Variants in CADPS2 observed in about 807,000 individuals in gnomAD.
CADPS2 encodes calcium-dependent secretion activator 2.
A neutral mutation model predicts 172.5 loss-of-function variants in CADPS2; 93 were observed. The observed-to-expected ratio is 0.54, with a 90% CI of 0.46 to 0.64. The LOEUF is 0.64. Ranked by LOEUF, CADPS2 falls within the 30% of genes least tolerant of loss-of-function variation. The pLI, the probability that CADPS2 is intolerant of heterozygous loss-of-function variation, is 0.00. For synonymous variants in CADPS2, 546 were observed against 555.2 expected (o/e 0.98, Z 0.23); for missense variants, 1,420 against 1,565.9 (o/e 0.91, Z 1.57).
chr7:122,605,964 A>G (rs1217119376), intron 6 of CADPS2, among the ~76,000 whole-genome samples: 3 of 152,122 alleles, frequency 2.0e-5, no homozygotes, highest in Non-Finnish European at 2.9e-5. Flanking sequence ...CATCAATTTA[A>G]TTCCTGCCTA....
intron 1 of CADPS2, among the ~76,000 whole-genome samples, chr7:122,870,390 T>C (rs1485693656): frequency 6.6e-6 from 1 of 151,896 alleles, no homozygotes; most frequent in African/African-American, 2.4e-5. Flanking sequence ...AAGGGGTCAA[T>C]TCATCAAAAA....
chr7:122,805,390 C>T (rs1798573159), intron 1 of CADPS2, among the ~76,000 whole-genome samples: 1 of 152,100 alleles, frequency 6.6e-6, no homozygotes, highest in African/African-American at 2.4e-5. Flanking sequence ...AATCTCCTGA[C>T]CTAGTGATCC....
chr7:122,758,174 T>C (rs1018822122), intron 1 of CADPS2, among the ~76,000 whole-genome samples: 7 of 152,196 alleles, frequency 4.6e-5, no homozygotes, highest in African/African-American at 1.7e-4. Context: ...TACCATCCCA[T>C]GCCCATGAAA....
At chr7:122,469,445 G>C (rs1247418504) in intron 14 of CADPS2, among the ~76,000 whole-genome samples, 1 of 152,116 alleles carries the variant, frequency 6.6e-6, no homozygotes, top group Non-Finnish European at 1.5e-5. Context: ...ACAGAGTCAG[G>C]AGACGAGACA....
chr7:122,659,014 A>G (rs1588191445), intron 3 of CADPS2, among the ~76,000 whole-genome samples: 3 of 152,218 alleles, frequency 2.0e-5, no homozygotes, highest in East Asian at 3.9e-4. Flanking sequence ...TTTATATGAA[A>G]GCCTTAGTTA....
chr7:122,867,043 C>T (rs1585032438), intron 1 of CADPS2, among the ~76,000 whole-genome samples: 1 of 152,098 alleles, frequency 6.6e-6, no homozygotes, highest in Non-Finnish European at 1.5e-5. Context: ...ATATTGGATA[C>T]TCTTTCCTCC....
At chr7:122,570,064 A>G (rs868432188) in intron 7 of CADPS2, among the ~76,000 whole-genome samples, 55 of 150,534 alleles carry the variant, frequency 3.7e-4, no homozygotes, top group South Asian at 1.3e-3. Context: ...CTTCTGCACA[A>G]CAAAAGAAAC....
At chr7:122,826,062 T>C (rs1238068049) in intron 1 of CADPS2, among the ~76,000 whole-genome samples, 2 of 152,190 alleles carry the variant, frequency 1.3e-5, no homozygotes, top group Non-Finnish European at 2.9e-5. Context: ...TCAGGTCCCA[T>C]ACAGCAAGGC....
At chr7:122,445,002 C>T (rs556906680) in intron 15 of CADPS2, among the ~76,000 whole-genome samples, 165 of 152,122 alleles carry the variant, frequency 1.1e-3, no homozygotes, top group Non-Finnish European at 1.8e-3. Context: ...TAGCATCTGT[C>T]GGAAAAAAGT....
chr7:122,787,499 G>C (rs1794318031), intron 1 of CADPS2, among the ~76,000 whole-genome samples: 1 of 152,120 alleles, frequency 6.6e-6, no homozygotes, highest in Admixed American at 6.5e-5. Context: ...AACTTCAAAG[G>C]GAAGTTAGGA....
chr7:122,508,609 T>C (rs1014623953), intron 9 of CADPS2, among the ~76,000 whole-genome samples: 9 of 151,750 alleles, frequency 5.9e-5, no homozygotes, highest in Non-Finnish European at 1.0e-4. Flanking sequence ...GGATTACAGG[T>C]GGGAGCCATG....
chr7:122,702,986 T>A (rs2086410063), intron 2 of CADPS2: 1 of 453,202 alleles, frequency 2.2e-6, no homozygotes, highest in African/African-American at 2.0e-5. Flanking sequence ...TTCAAGAAAA[T>A]TATGACATCC....
intron 1 of CADPS2, among the ~76,000 whole-genome samples, chr7:122,777,692 C>G (rs564139374): frequency 4.8e-4 from 73 of 152,088 alleles, no homozygotes; most frequent in Admixed American, 3.3e-3. Context: ...TAGGCTTTCC[C>G]CCACTTCCCT....
At chr7:122,673,907 C>CG (rs2082126391) in intron 2 of CADPS2, among the ~76,000 whole-genome samples, 1 of 4,468 alleles carries the variant, frequency 2.2e-4, no homozygotes, top group Non-Finnish European at 4.0e-4. Flanking sequence ...GAGCCCACGG[C>CG]GGGGGGTGGG....
chr7:122,725,804 G>C lies in CADPS2; in HGVS notation c.453+11151C>G, dbSNP rs1303183736. Among the ~76,000 whole-genome samples the C allele has an allele frequency of 2.0e-5, 3 of 151,712 alleles. No individual in the cohort carries two copies. In the South Asian group the frequency reaches 6.2e-4, roughly 32 times the overall value. ...GAGACACCATGGTCTTGCCTCACAT[G>C]TAGGTTACAAATGCCGGGAATATAC... On this transcript the variant is annotated intron_variant, in intron 2 of 29. Coordinates refer to ENST00000449022, the MANE Select transcript of CADPS2 (RefSeq NM_017954.11).
chr7:122,837,895 C>T (rs1206212242), intron 1 of CADPS2, among the ~76,000 whole-genome samples: 18 of 152,138 alleles, frequency 1.2e-4, no homozygotes, highest in South Asian at 4.1e-4. Context: ...TTCCAATCAA[C>T]AGAAAAAGAG....
chr7:122,674,924 A>G (rs1231044431), intron 2 of CADPS2, among the ~76,000 whole-genome samples: 1 of 152,240 alleles, frequency 6.6e-6, no homozygotes, highest in African/African-American at 2.4e-5. Context: ...TAGATTTTAA[A>G]ACTACTTTTC....
intron 3 of CADPS2, among the ~76,000 whole-genome samples, chr7:122,636,105 A>AT (rs1331283997): frequency 6.6e-6 from 1 of 151,994 alleles, no homozygotes; most frequent in Non-Finnish European, 1.5e-5. Context: ...ACATTCATGG[A>AT]TAGTATTGAT....
intron 20 of CADPS2, among the ~76,000 whole-genome samples, chr7:122,395,059 TATAAA>T (rs1457836453): frequency 1.8e-4 from 27 of 152,332 alleles, no homozygotes; most frequent in African/African-American, 6.5e-4. Flanking sequence ...AGCAGTGTCT[TATAAA>T]ATATTCACTA....
Sources: gnomAD v4.1 joint callset for allele counts (sites outside exome capture counted in the v4.1 genomes callset) on GRCh38, gnomAD v4.1.1 for gene constraint, MANE v1.5 for transcripts, NCBI Gene and HGNC (gene_info 2026-07-23, HGNC 2026-07-21) for gene names.